Variants in RYR3 observed in about 807,000 individuals in gnomAD.
The protein encoded by RYR3 is ryanodine receptor 3.
RYR3 carries 207 observed loss-of-function variants against 584.3 expected under a neutral mutation model. That is an observed-to-expected ratio of 0.35 (90% confidence interval 0.32 to 0.40). The LOEUF (loss-of-function observed/expected upper bound fraction) is 0.40, where lower values mean the gene tolerates loss of function less well. Among genes scored for constraint, RYR3 ranks in the 10% least tolerant of loss-of-function variants. RYR3 has a pLI of 1.00. For synonymous variants in RYR3, 2,416 were observed against 2,248.5 expected (o/e 1.07, Z -2.11); for missense variants, 5,616 against 6,089.2 (o/e 0.92, Z 2.59).
In RYR3 at chr15:33,669,522, T is replaced by C. The variant is rs553853212; in HGVS notation, c.5722+66T>C. 4 of 1,385,234 alleles carry C rather than the reference T, an allele frequency of 2.9e-6. No homozygotes were observed. In the South Asian group the frequency reaches 4.7e-5, roughly 16 times the overall value. 85.8% of individuals were successfully genotyped at this position (1,385,234 alleles called of 1,614,324 possible). On this transcript the variant is annotated intron_variant, in intron 37 of 103. Transcript: ENST00000634891. ...AAGAGTCTGTTTTTGATTCCTTCAT[T>C]AGAAAGCTAGTGGGAGGTTGGGAAG...
At chr15:33,744,306 C>T (rs983260319) in intron 52 of RYR3, among the ~76,000 whole-genome samples, 4 of 152,164 alleles carry the variant, frequency 2.6e-5, no homozygotes, top group Admixed American at 2.6e-4. Context: ...TAAACATCTA[C>T]ACATTTATTC....
chr15:33,778,253 T>C (rs2074149297), intron 64 of RYR3, among the ~76,000 whole-genome samples: 2 of 152,196 alleles, frequency 1.3e-5, no homozygotes, highest in African/African-American at 4.8e-5. Flanking sequence ...CCAGGTTTTC[T>C]TTCCCAATGC....
chr15:33,633,760 C>G (rs555373833), intron 24 of RYR3, among the ~76,000 whole-genome samples: 1 of 152,184 alleles, frequency 6.6e-6, no homozygotes, highest in South Asian at 2.1e-4. Flanking sequence ...TACAATTGTC[C>G]CTATTGTCTT....
chr15:33,569,772 G>T (rs1369286743), intron 12 of RYR3, among the ~76,000 whole-genome samples: 2 of 152,020 alleles, frequency 1.3e-5, no homozygotes, highest in Admixed American at 6.6e-5. Flanking sequence ...CTGACTTTTT[G>T]ATTGTAGCCA....
intron 1 of RYR3, among the ~76,000 whole-genome samples, chr15:33,361,665 T>G (rs2141011943): frequency 6.6e-6 from 1 of 152,252 alleles, no homozygotes; most frequent in South Asian, 2.1e-4. Flanking sequence ...CCTTTACAAG[T>G]TCCCCAGCCT....
chr15:33,663,686 G>C lies in RYR3; in HGVS notation c.5568G>C (p.Ala1856=). Reference sequence around the variant, plus strand: ...TCATGCAGGCCCTGAACATGTCTGCGGCCCTGACTGCCCGGAAGACCAAGG... The same window carrying C: ...TCATGCAGGCCCTGAACATGTCTGCCGCCCTGACTGCCCGGAAGACCAAGG... ...NELMQALNMS[A]ALTARKTKEF... The change falls in exon 36 of 104, where the codon GCG becomes GCC. Residue 1856 remains alanine, a synonymous_variant. Transcript: ENST00000634891. 1 of 1,611,908 alleles carries C rather than the reference G, an allele frequency of 6.2e-7. No individual in the cohort carries two copies. Among genetic ancestry groups the C allele is most frequent in the Non-Finnish European group, 8.5e-7 (1 of 1,179,324 alleles).
In RYR3 at chr15:33,481,892, A is replaced by AT. The variant is rs528766778; in HGVS notation, c.171+8356dup. On this transcript the variant is annotated intron_variant, in intron 2 of 103. Coordinates refer to ENST00000634891, the MANE Select transcript of RYR3 (RefSeq NM_001036.6). ...CAAATTCCCTTATATCTTTTGTGCTATTATTGTCAGAGATTTTATTTCTAC... is the reference window on the plus strand; with the variant it reads ...CAAATTCCCTTATATCTTTTGTGCTATTTATTGTCAGAGATTTTATTTCTAC... 3.0e-3 allele frequency among the ~76,000 whole-genome samples: 443 copies of AT among 148,106 alleles called. 2 individuals carry two copies. Among genetic ancestry groups the AT allele is most frequent in the African/African-American group, 0.01 (419 of 40,298 alleles).
intron 3 of RYR3, among the ~76,000 whole-genome samples, chr15:33,506,434 C>T (rs1463213856): frequency 6.6e-6 from 1 of 152,106 alleles, no homozygotes; most frequent in Non-Finnish European, 1.5e-5. Flanking sequence ...GAATTATCAT[C>T]ATCATCATGT....
Position 33,838,912 on chromosome 15 carries a change from A to C in RYR3, c.12932A>C (p.Glu4311Ala). The change falls in exon 89 of 104, where the codon GAA becomes GCA. Residue 4311 changes from glutamate (E) to alanine (A), a missense_variant. Around this residue, in one of 9 missense-constraint regions of RYR3, gnomAD observed 918 missense variants for 887.4 expected, o/e 1.03. Coordinates refer to ENST00000634891, the MANE Select transcript of RYR3 (RefSeq NM_001036.6). ...GDLSEIIGKD[E>A]PPTLESTVQK... ...CTCTCAGAAATTATTGGCAAGGATG[A>C]ACCCCCTACATTAGAGAGTACTGTA... The C allele has an allele frequency of 6.2e-7, 1 of 1,613,872 alleles. No homozygotes were observed. The highest frequency in any genetic ancestry group is 8.5e-7 in the Non-Finnish European group (1 of 1,179,814).
At chr15:33,652,565 A>C (rs2062545733) in intron 31 of RYR3, among the ~76,000 whole-genome samples, 153 bp from the exon 32 acceptor site, 1 of 152,216 alleles carries the variant, frequency 6.6e-6, no homozygotes, top group African/African-American at 2.4e-5. Flanking sequence ...GAAGCTAAAT[A>C]AACTCATTTA....
intron 84 of RYR3, among the ~76,000 whole-genome samples, 181 bp from the exon 85 acceptor site, chr15:33,827,018 G>A (rs971476888): frequency 2.0e-5 from 3 of 152,184 alleles, no homozygotes; most frequent in African/African-American, 7.2e-5. Flanking sequence ...AGTTTCTGGT[G>A]TCCGCAGGTT....
intron 2 of RYR3, among the ~76,000 whole-genome samples, chr15:33,483,381 A>G (rs1488340009): frequency 1.3e-5 from 2 of 152,180 alleles, no homozygotes; most frequent in African/African-American, 4.8e-5. Flanking sequence ...TAAATTTTAT[A>G]CTGAACATTG....
intron 1 of RYR3, among the ~76,000 whole-genome samples, chr15:33,445,984 T>C (rs1022682526): frequency 7.9e-5 from 12 of 152,168 alleles, no homozygotes; most frequent in African/African-American, 2.7e-4. Flanking sequence ...TTTAAACCTT[T>C]ACATGAACTC....
At position 33,821,599 on chromosome 15, in the gene RYR3, A is replaced by G. The variant is rs2077110117; in HGVS notation, c.10992A>G (p.Gln3664=). Residue 3664 remains glutamine, a synonymous_variant, in exon 80 of 104, where the codon CAA becomes CAG. Coordinates refer to ENST00000634891, the MANE Select transcript of RYR3 (RefSeq NM_001036.6). The part of the protein sequence containing the change: ...AILNGGNAGV[Q]QKMLDYLKEK... The stretch of plus-strand genomic sequence containing the variant: ...TGAACGGAGGCAATGCTGGTGTGCA[A>G]CAGGTAACGGGAACTTGCAGCGGCT... 6.2e-7 allele frequency: 1 copy of G among 1,613,786 alleles called. No individual in the cohort carries two copies. The highest frequency in any genetic ancestry group is 1.7e-5 in the Admixed American group (1 of 60,018).
chr15:33,519,991 A>T (rs1195241667), intron 3 of RYR3, among the ~76,000 whole-genome samples: 3 of 152,220 alleles, frequency 2.0e-5, no homozygotes, highest in Non-Finnish European at 2.9e-5. Context: ...TAGGAAAATC[A>T]TAGTTGAGAC....
chr15:33,570,071 G>A (rs1390894366), intron 12 of RYR3, among the ~76,000 whole-genome samples: 2 of 151,710 alleles, frequency 1.3e-5, no homozygotes, highest in South Asian at 2.1e-4. Context: ...AAGCACAAAC[G>A]TTTTAATTTT....
At chr15:33,795,162 T>C (rs1423351604) in intron 67 of RYR3, among the ~76,000 whole-genome samples, 1 of 152,134 alleles carries the variant, frequency 6.6e-6, no homozygotes, top group Non-Finnish European at 1.5e-5. Flanking sequence ...ATTAAACCTT[T>C]GTACTGTTTT....
chr15:33,862,102 C>G (rs1398779565), intron 102 of RYR3, among the ~76,000 whole-genome samples: 1 of 152,140 alleles, frequency 6.6e-6, no homozygotes, highest in South Asian at 2.1e-4. Flanking sequence ...ATTTTATTAC[C>G]TGATAACTCA....
At chr15:33,535,733 TAAATAA>T (rs755207263) in intron 5 of RYR3, among the ~76,000 whole-genome samples, 19 of 152,276 alleles carry the variant, frequency 1.2e-4, no homozygotes, top group Non-Finnish European at 2.1e-4. Flanking sequence ...GTTAGAGCCT[TAAATAA>T]AAATAAAGGG....
Sources: gnomAD v4.1 joint callset for allele counts (sites outside exome capture counted in the v4.1 genomes callset) on GRCh38, gnomAD v4.1.1 for gene constraint, gnomAD v4.1.1 regional missense constraint, MANE v1.5 for transcripts, NCBI Gene and HGNC (gene_info 2026-07-23, HGNC 2026-07-21) for gene names.